Variants in MRPS28 observed in about 807,000 individuals in gnomAD.
MRPS28 encodes mitochondrial ribosomal protein S28, also known as small ribosomal subunit protein bS1m.
In MRPS28, 7 loss-of-function variants were observed where a neutral mutation model predicts 10.8. That is an observed-to-expected ratio of 0.65 (90% confidence interval 0.37 to 1.22). The LOEUF is 1.22. MRPS28 is among the 50% of genes most tolerant of loss of function. The pLI is 0.02. For missense variants in MRPS28, 265 were observed against 232.9 expected (o/e 1.14, Z -0.90); for synonymous variants, 121 against 93.3 (o/e 1.30, Z -1.71).
chr8:80,017,024 G>A (rs1189615630), intron 1 of MRPS28, among the ~76,000 whole-genome samples: 2 of 152,064 alleles, frequency 1.3e-5, no homozygotes, highest in African/African-American at 2.4e-5. Flanking sequence ...ACATGAAACA[G>A]TCACCAAAAC....
intron 2 of MRPS28, among the ~76,000 whole-genome samples, chr8:79,977,523 CAAAAG>C (rs1482543144): frequency 6.6e-6 from 1 of 151,960 alleles, no homozygotes; most frequent in Non-Finnish European, 1.5e-5. Context: ...TTATAATAAA[CAAAAG>C]AATACAGGCG....
At chr8:79,972,680 G>GA (rs1563530018) in intron 2 of MRPS28, among the ~76,000 whole-genome samples, 1 of 152,060 alleles carries the variant, frequency 6.6e-6, no homozygotes, top group Non-Finnish European at 1.5e-5. Flanking sequence ...GGTAACTGAA[G>GA]AAAAAAACCC....
intron 2 of MRPS28, among the ~76,000 whole-genome samples, chr8:79,951,317 G>T (rs1807074266): frequency 6.6e-6 from 1 of 152,172 alleles, no homozygotes; most frequent in Non-Finnish European, 1.5e-5. Context: ...GAATCTCACT[G>T]CAAAGTGAGA....
At chr8:79,985,188 C>T (rs1432512832) in intron 2 of MRPS28, among the ~76,000 whole-genome samples, 1 of 151,962 alleles carries the variant, frequency 6.6e-6, no homozygotes, top group African/African-American at 2.4e-5. Context: ...GGGTACATAA[C>T]GAAATGAAGG....
At chr8:79,991,913 T>TCTCG (rs1808374465) in intron 2 of MRPS28, among the ~76,000 whole-genome samples, 1 of 3,762 alleles carries the variant, frequency 2.7e-4, no homozygotes, top group African/African-American at 1.2e-3. Context: ...CTCCTTGCTC[T>TCTCG]CTCTCTCTCT....
intron 2 of MRPS28, among the ~76,000 whole-genome samples, chr8:79,939,188 A>T (rs181748616): frequency 8.3e-4 from 126 of 152,358 alleles, no homozygotes; most frequent in African/African-American, 2.9e-3. Context: ...TCTAGTGGTC[A>T]CATCACATTC....
chr8:79,931,390 C>G (rs756683423), intron 2 of MRPS28, among the ~76,000 whole-genome samples: 1 of 152,164 alleles, frequency 6.6e-6, no homozygotes, highest in East Asian at 1.9e-4. Flanking sequence ...GAATTCTGCA[C>G]AGAGAGCATG....
rs1554575869 is a variant in MRPS28 at position 80,028,645 on chromosome 8, C to CGGGCGGGGCGGGGG, written c.213+1390_213+1391insCCCCCGCCCCGCCC. 2 of 3,332 alleles carry CGGGCGGGGCGGGGG rather than the reference C, an allele frequency of 6.0e-4. 1 individual carries two copies. The highest frequency in any genetic ancestry group is 9.6e-3 in the Admixed American group (2 of 208). The allele number at this position is 3,332 out of a possible 1,614,324, so 0.2% of individuals were successfully genotyped here. ...TCACAGGGATCTCAAAAGCAGAAGA[C>CGGGCGGGGCGGGGG]GGGCGGGGGGGGCGGGGCCGGGCGG... On this transcript the variant is annotated intron_variant, in intron 1 of 2. Coordinates refer to ENST00000276585, the MANE Select transcript of MRPS28 (RefSeq NM_014018.3).
At chr8:80,018,981 A>T (rs1181083939) in intron 1 of MRPS28, among the ~76,000 whole-genome samples, 1 of 152,070 alleles carries the variant, frequency 6.6e-6, no homozygotes, top group Non-Finnish European at 1.5e-5. Context: ...AAGGATGGTT[A>T]CCCAGACGCT....
Position 79,918,878 on chromosome 8 carries a change from TTATTA to T in MRPS28, c.*97_*101del. On this transcript the variant is annotated 3_prime_UTR_variant, in exon 3 of 3. Transcript: ENST00000276585. ...AGTTATCTATAATTATAGCTTTTAT[TTATTA>T]TATCTTCATTCAATCATTTATTCAC... 2 of 957,164 alleles carry T rather than the reference TTATTA, an allele frequency of 2.1e-6. No individual in the cohort carries two copies. Among genetic ancestry groups the T allele is most frequent in the Non-Finnish European group, 2.9e-6 (2 of 695,376 alleles). 59.3% of individuals were successfully genotyped at this position (957,164 alleles called of 1,614,324 possible).
chr8:79,986,959 C>G (rs1036095488), intron 2 of MRPS28, among the ~76,000 whole-genome samples: 37 of 152,324 alleles, frequency 2.4e-4, no homozygotes, highest in African/African-American at 7.7e-4. Flanking sequence ...AAAGAGCCCA[C>G]ATCGCCAAGT....
intron 1 of MRPS28, among the ~76,000 whole-genome samples, chr8:80,012,489 C>T (rs1206293849): frequency 1.3e-5 from 2 of 152,180 alleles, no homozygotes; most frequent in Non-Finnish European, 2.9e-5. Flanking sequence ...TTGATAGCTC[C>T]TCTCATGCTG....
intron 1 of MRPS28, among the ~76,000 whole-genome samples, chr8:80,020,137 T>C (rs891124699): frequency 1.3e-5 from 2 of 152,136 alleles, no homozygotes; most frequent in African/African-American, 4.8e-5. Context: ...GGCAATTGGT[T>C]GAAAGGGTTA....
chr8:79,949,622 T>C (rs1189990433), intron 2 of MRPS28, among the ~76,000 whole-genome samples: 2 of 152,192 alleles, frequency 1.3e-5, no homozygotes, highest in African/African-American at 4.8e-5. Context: ...TATTATGTAG[T>C]ATAATTAATA....
chr8:79,921,431 G>T (rs1227168978), intron 2 of MRPS28, among the ~76,000 whole-genome samples: 1 of 151,686 alleles, frequency 6.6e-6, no homozygotes, highest in Non-Finnish European at 1.5e-5. Flanking sequence ...AGCATGGAAT[G>T]TTCTTCCATT....
At chr8:79,944,518 G>A (rs761414496) in intron 2 of MRPS28, among the ~76,000 whole-genome samples, 1 of 152,130 alleles carries the variant, frequency 6.6e-6, no homozygotes, top group Non-Finnish European at 1.5e-5. Context: ...TAATAATGAG[G>A]TTGTAAGAAA....
chr8:79,959,519 A>G (rs2129999035), intron 2 of MRPS28, among the ~76,000 whole-genome samples: 1 of 152,266 alleles, frequency 6.6e-6, no homozygotes, highest in Admixed American at 6.5e-5. Context: ...TGAACGGTAC[A>G]ACTTTAAATG....
At chr8:79,961,243 T>C (rs10094992) in intron 2 of MRPS28, among the ~76,000 whole-genome samples, 102,841 of 151,982 alleles carry the variant, frequency 0.68, 35,097 homozygotes, top group East Asian at 0.84. Flanking sequence ...TCAGGAGAAA[T>C]GCAGGAAATT....
At chr8:79,993,227 A>C (rs1360496420) in intron 2 of MRPS28, among the ~76,000 whole-genome samples, 1 of 152,188 alleles carries the variant, frequency 6.6e-6, no homozygotes. Flanking sequence ...TTTTGTGGGA[A>C]CACTTAATTG....
Sources: gnomAD v4.1 joint callset for allele counts (sites outside exome capture counted in the v4.1 genomes callset) on GRCh38, gnomAD v4.1.1 for gene constraint, MANE v1.5 for transcripts, NCBI Gene and HGNC (gene_info 2026-07-23, HGNC 2026-07-21) for gene names.